The following THSD4 variants were observed in gnomAD, a reference collection of about 807,000 sequenced individuals.
THSD4 encodes the protein thrombospondin type 1 domain containing 4, also known as thrombospondin type-1 domain-containing protein 4.
THSD4 carries 69 observed loss-of-function variants against 119.0 expected under a neutral mutation model. The observed-to-expected ratio is 0.58, with a 90% CI of 0.48 to 0.71. The LOEUF is 0.71. THSD4 is among the 30% of genes least tolerant of loss of function. The probability of loss-of-function intolerance (pLI) is 0.00; values close to 1 mark genes in which losing one functional copy is unlikely to be tolerated. For missense variants in THSD4, 1,393 were observed against 1,391.1 expected, an observed-to-expected ratio of 1.00 and a Z score of -0.02; for synonymous variants, 524 against 540.4, an observed-to-expected ratio of 0.97 and a Z score of 0.42.
chr15:71,411,499 G>A (rs1043579997), intron 6 of THSD4, among the ~76,000 whole-genome samples, 188 bp from the exon 7 acceptor site: 9 of 152,014 alleles, frequency 5.9e-5, no homozygotes, highest in African/African-American at 1.7e-4. Context: ...TAATGGTTGC[G>A]GTTGGACACA....
chr15:71,214,941 C>G, intron 3 of THSD4, 94 bp from the exon 4 acceptor site: 3 of 1,208,480 alleles, frequency 2.5e-6, no homozygotes, highest in Non-Finnish European at 3.1e-6. Context: ...ACTGTGCCTA[C>G]TTGTGCCTGA....
chr15:71,343,742 G>T (rs1328418287), intron 6 of THSD4, among the ~76,000 whole-genome samples: 2 of 147,838 alleles, frequency 1.4e-5, no homozygotes, highest in African/African-American at 5.0e-5. Context: ...TTGAGATAGG[G>T]TGTTGCTCTG....
chr15:71,381,592 C>G (rs1260973425), intron 6 of THSD4, among the ~76,000 whole-genome samples: 1 of 152,174 alleles, frequency 6.6e-6, no homozygotes, highest in Middle Eastern at 3.2e-3. Flanking sequence ...CCTCCTTGGA[C>G]ACAAAGCACT....
At chr15:71,521,271 G>T (rs183862217) in intron 7 of THSD4, among the ~76,000 whole-genome samples, 5 of 152,102 alleles carry the variant, frequency 3.3e-5, no homozygotes, top group Admixed American at 2.6e-4. Flanking sequence ...AAGAAAAATG[G>T]TGGGATTATG....
chr15:71,337,171 C>T (rs1479962896), intron 6 of THSD4, among the ~76,000 whole-genome samples: 1 of 152,192 alleles, frequency 6.6e-6, no homozygotes, highest in African/African-American at 2.4e-5. Flanking sequence ...GGGTACAACA[C>T]TGAAAACATG....
At chr15:71,135,259 C>G (rs1220603500) in intron 1 of THSD4, among the ~76,000 whole-genome samples, 1 of 148,542 alleles carries the variant, frequency 6.7e-6, no homozygotes, top group Non-Finnish European at 1.5e-5. Context: ...GGAGATATAC[C>G]TAATGCTAGA....
intron 6 of THSD4, among the ~76,000 whole-genome samples, chr15:71,310,141 C>G (rs940948943): frequency 7.3e-6 from 1 of 136,334 alleles, no homozygotes; most frequent in East Asian, 2.2e-4. Flanking sequence ...AATCCAAGTA[C>G]TTCTGCTATT....
chr15:71,226,234 A>T (rs1204794548), intron 4 of THSD4, among the ~76,000 whole-genome samples: 3 of 152,206 alleles, frequency 2.0e-5, no homozygotes, highest in Admixed American at 1.3e-4. Context: ...TTCAAAAAAC[A>T]TAAGACACCA....
chr15:71,625,278 G>A (rs2050488235), intron 7 of THSD4, among the ~76,000 whole-genome samples: 1 of 152,222 alleles, frequency 6.6e-6, no homozygotes, highest in South Asian at 2.1e-4. Flanking sequence ...AAAGTGCTGG[G>A]ATTACAGGTG....
At chr15:71,299,181 A>G (rs1490532068) in intron 6 of THSD4, among the ~76,000 whole-genome samples, 1 of 152,224 alleles carries the variant, frequency 6.6e-6, no homozygotes, top group Non-Finnish European at 1.5e-5. Context: ...TTGAAGTTTT[A>G]AAACTTAAGC....
At chr15:71,231,171 G>C (rs936992495) in intron 4 of THSD4, among the ~76,000 whole-genome samples, 4 of 152,194 alleles carry the variant, frequency 2.6e-5, no homozygotes, top group Non-Finnish European at 4.4e-5. Flanking sequence ...AGGGAAACTT[G>C]GCTGATTTTC....
intron 8 of THSD4, among the ~76,000 whole-genome samples, chr15:71,687,396 T>C (rs1458844625): frequency 6.6e-6 from 1 of 152,202 alleles, no homozygotes; most frequent in Non-Finnish European, 1.5e-5. Flanking sequence ...TTTCTGTTTT[T>C]AGAAAACAGG....
intron 6 of THSD4, among the ~76,000 whole-genome samples, chr15:71,363,761 A>AG (rs2045923166): frequency 6.6e-6 from 1 of 152,200 alleles, no homozygotes. Context: ...CTTGGGGACC[A>AG]GGCAAGGTTT....
intron 7 of THSD4, among the ~76,000 whole-genome samples, chr15:71,619,153 G>C (rs2050375177): frequency 6.6e-6 from 1 of 151,604 alleles, no homozygotes; most frequent in African/African-American, 2.4e-5. Context: ...TATTTTTTTA[G>C]TGGAGATGGG....
intron 7 of THSD4, among the ~76,000 whole-genome samples, chr15:71,478,562 T>A (rs1413836611): frequency 6.6e-6 from 1 of 152,196 alleles, no homozygotes; most frequent in African/African-American, 2.4e-5. Context: ...TAACCTGTTA[T>A]AAAATAGTGC....
chr15:71,267,571 C>A (rs976603765), intron 6 of THSD4, among the ~76,000 whole-genome samples: 1 of 152,174 alleles, frequency 6.6e-6, no homozygotes, highest in African/African-American at 2.4e-5. Flanking sequence ...GCAAAATAAC[C>A]AGCTAGCATC....
intron 6 of THSD4, among the ~76,000 whole-genome samples, chr15:71,307,297 G>C (rs1280495853): frequency 1.3e-5 from 2 of 152,122 alleles, no homozygotes; most frequent in Non-Finnish European, 2.9e-5. Context: ...TGTGACCTCT[G>C]TGTCACCGTC....
intron 6 of THSD4, among the ~76,000 whole-genome samples, chr15:71,301,523 T>TA (rs1486544045): frequency 1.3e-5 from 2 of 152,190 alleles, no homozygotes; most frequent in Non-Finnish European, 2.9e-5. Context: ...TTCTATTGGG[T>TA]AAAAAATGAG....
intron 17 of THSD4, among the ~76,000 whole-genome samples, chr15:71,771,481 C>T (rs2140246129): frequency 6.6e-6 from 1 of 152,166 alleles, no homozygotes; most frequent in Middle Eastern, 3.4e-3. Flanking sequence ...GCTCTATCGT[C>T]CTTAAGGTCA....
Sources: allele counts gnomAD v4.1 joint callset (sites outside exome capture counted in the v4.1 genomes callset), GRCh38; gene constraint gnomAD v4.1.1; transcripts MANE v1.5; gene names NCBI Gene and HGNC (gene_info 2026-07-23, HGNC 2026-07-21).